LINGO2: variants seen among roughly 807,000 people sequenced by gnomAD.
The protein encoded by LINGO2 is leucine-rich repeat and immunoglobulin-like domain-containing nogo receptor-interacting protein 2.
A neutral mutation model predicts 30.6 loss-of-function variants in LINGO2; 14 were observed. The ratio of observed to expected loss-of-function variants is 0.46; its 90% confidence interval spans 0.30 to 0.72. The LOEUF (loss-of-function observed/expected upper bound fraction) is 0.72, where lower values mean the gene tolerates loss of function less well. LINGO2 is among the 30% of genes least tolerant of loss of function. LINGO2 has a pLI of 0.07. For synonymous variants in LINGO2, 317 were observed against 288.5 expected (o/e 1.10, Z -1.00); for missense variants, 729 against 751.7 (o/e 0.97, Z 0.35).
chr9:29,128,369 C>G, the LINGO2 span, among the ~76,000 whole-genome samples: 2 of 152,088 alleles, frequency 1.3e-5, no homozygotes, highest in Non-Finnish European at 2.9e-5. Flanking sequence ...CCACCTCACT[C>G]CCCACTTGGC....
At chr9:27,972,444 C>G (rs1440847832) in intron 5 of LINGO2, among the ~76,000 whole-genome samples, 2 of 152,148 alleles carry the variant, frequency 1.3e-5, no homozygotes, top group African/African-American at 4.8e-5. Context: ...CTTCGTTTCT[C>G]TGTCCTCCTA....
At chr9:27,947,448 G>GA (rs1007213720), downstream of LINGO2, among the ~76,000 whole-genome samples, 6 of 151,638 alleles carry the variant, frequency 4.0e-5, no homozygotes, top group South Asian at 2.1e-4. Context: ...CCTCAGTGGA[G>GA]AAAAAAAACA....
intron 2 of LINGO2, among the ~76,000 whole-genome samples, chr9:28,412,623 T>G (rs1253741532): frequency 1.3e-5 from 2 of 152,082 alleles, no homozygotes; most frequent in African/African-American, 4.8e-5. Flanking sequence ...TCTATAGTAC[T>G]AATTATAAAT....
the LINGO2 span, among the ~76,000 whole-genome samples, chr9:28,768,613 GACAC>G: frequency 0.22 from 31,433 of 144,288 alleles, 3,419 homozygotes; most frequent in East Asian, 0.33. Context: ...GACAGACTGG[GACAC>G]ACACACACAC....
At chr9:28,244,441 G>T (rs950076692) in intron 4 of LINGO2, among the ~76,000 whole-genome samples, 20 of 151,908 alleles carry the variant, frequency 1.3e-4, no homozygotes, top group African/African-American at 4.8e-4. Context: ...CAGAAGACAA[G>T]AAATAATTAA....
intron 1 of LINGO2, among the ~76,000 whole-genome samples, chr9:28,660,931 C>A (rs1458407086): frequency 6.6e-6 from 1 of 152,100 alleles, no homozygotes; most frequent in Admixed American, 6.5e-5. Flanking sequence ...TGAATGAATA[C>A]AGCACTGCAA....
chr9:28,275,226 G>A (rs960844847), intron 4 of LINGO2, among the ~76,000 whole-genome samples: 9 of 151,958 alleles, frequency 5.9e-5, no homozygotes, highest in African/African-American at 1.9e-4. Flanking sequence ...CCGCCACCAC[G>A]CTTGGCTAAT....
At chr9:28,685,834 C>G in the LINGO2 span, among the ~76,000 whole-genome samples, 1 of 151,978 alleles carries the variant, frequency 6.6e-6, no homozygotes, top group Non-Finnish European at 1.5e-5. Context: ...TACGTATTTC[C>G]TCACCATCCC....
chr9:29,114,903 A>G, the LINGO2 span, among the ~76,000 whole-genome samples: 2 of 152,278 alleles, frequency 1.3e-5, no homozygotes, highest in Non-Finnish European at 2.9e-5. Flanking sequence ...AGTGGCTGGT[A>G]TCATCACTTA....
At chr9:28,055,926 C>A (rs1824917223) in intron 4 of LINGO2, among the ~76,000 whole-genome samples, 1 of 152,110 alleles carries the variant, frequency 6.6e-6, no homozygotes, top group Non-Finnish European at 1.5e-5. Context: ...GAGACCCTCA[C>A]TAAGACAGTT....
chr9:28,134,079 T>C lies in LINGO2; in HGVS notation c.-86-121674A>G, dbSNP rs1454701237. Among the ~76,000 whole-genome samples, 3 of 152,188 alleles carry C rather than the reference T, an allele frequency of 2.0e-5. No individual in the cohort carries two copies. In the East Asian group the frequency reaches 5.8e-4, roughly 29 times the overall value. ...ACAACTCCCAATTCACTAATTTCTA[T>C]CCACTCTACCTTTGAAATATATCTC... On this transcript the variant is annotated intron_variant, in intron 4 of 5. Transcript: ENST00000379992.
At chr9:28,560,938 G>C (rs1351430916) in intron 1 of LINGO2, among the ~76,000 whole-genome samples, 1 of 152,022 alleles carries the variant, frequency 6.6e-6, no homozygotes, top group Non-Finnish European at 1.5e-5. Context: ...GCTTCCCAAA[G>C]TGCCGGGATT....
the LINGO2 span, among the ~76,000 whole-genome samples, chr9:29,115,992 C>T: frequency 1.3e-5 from 2 of 151,910 alleles, no homozygotes; most frequent in Non-Finnish European, 1.5e-5. Context: ...TCATTTGTGG[C>T]TAAAATTATT....
At chr9:29,124,312 G>C in the LINGO2 span, among the ~76,000 whole-genome samples, 2 of 152,054 alleles carry the variant, frequency 1.3e-5, no homozygotes, top group Non-Finnish European at 2.9e-5. Flanking sequence ...AAAAATCCTA[G>C]AAGAAAACCT....
chr9:28,860,671 A>G, the LINGO2 span, among the ~76,000 whole-genome samples: 2 of 115,292 alleles, frequency 1.7e-5, no homozygotes, highest in Admixed American at 1.9e-4. Context: ...AGTCATATAT[A>G]TATTTCATAT....
At chr9:29,048,324 AAAAAG>A in the LINGO2 span, among the ~76,000 whole-genome samples, 1 of 151,876 alleles carries the variant, frequency 6.6e-6, no homozygotes, top group African/African-American at 2.4e-5. Flanking sequence ...GGACACCAAA[AAAAAG>A]AAAAAAGGAA....
At chr9:28,815,981 A>G in the LINGO2 span, among the ~76,000 whole-genome samples, 3 of 152,306 alleles carry the variant, frequency 2.0e-5, no homozygotes, top group East Asian at 5.8e-4. Context: ...AGAAAGTCTA[A>G]GATCAAGGAG....
intron 1 of LINGO2, among the ~76,000 whole-genome samples, chr9:28,668,335 A>G (rs1288506754): frequency 6.6e-6 from 1 of 152,094 alleles, no homozygotes; most frequent in Non-Finnish European, 1.5e-5. Flanking sequence ...TGAACTTCAT[A>G]ATTAGAACAA....
the LINGO2 span, among the ~76,000 whole-genome samples, chr9:28,714,512 T>A: frequency 2.0e-5 from 3 of 152,046 alleles, no homozygotes; most frequent in Admixed American, 2.0e-4. Flanking sequence ...ATGCTGATTG[T>A]CACGTGTTGA....
Sources: gnomAD v4.1 joint callset for allele counts (sites outside exome capture counted in the v4.1 genomes callset) on GRCh38, gnomAD v4.1.1 for gene constraint, MANE v1.5 for transcripts, NCBI Gene and HGNC (gene_info 2026-07-23, HGNC 2026-07-21) for gene names.